Variants in NRG1 observed in about 807,000 individuals in gnomAD.
NRG1 encodes the protein neuregulin 1.
NRG1 carries 18 observed loss-of-function variants against 63.8 expected under a neutral mutation model. The observed-to-expected ratio is 0.28, with a 90% CI of 0.19 to 0.42. The LOEUF (loss-of-function observed/expected upper bound fraction) is 0.42. Among genes scored for constraint, NRG1 ranks in the 10% least tolerant of loss-of-function variants. NRG1 has a pLI of 1.00. For missense variants in NRG1, 762 were observed against 814.7 expected (o/e 0.94, Z 0.79); for synonymous variants, 302 against 301.3 (o/e 1.00, Z -0.02).
chr8:32,447,848 C>CAAAAAAAAAAAGAA (rs1820461311), intron 1 of NRG1, among the ~76,000 whole-genome samples: 1 of 125,372 alleles, frequency 8.0e-6, no homozygotes. Flanking sequence ...AACCCTGTGT[C>CAAAAAAAAAAAGAA]AAAAAAAAAA....
intron 1 of NRG1, among the ~76,000 whole-genome samples, chr8:32,273,582 C>A (rs1267266082): frequency 4.6e-5 from 7 of 152,150 alleles, no homozygotes; most frequent in Non-Finnish European, 1.0e-4. Flanking sequence ...TTAATTAAAG[C>A]ACCATTTGAG....
intron 1 of NRG1, among the ~76,000 whole-genome samples, chr8:32,116,095 A>G (rs1263196265): frequency 6.6e-6 from 1 of 152,138 alleles, no homozygotes; most frequent in Non-Finnish European, 1.5e-5. Flanking sequence ...AAATATTTCA[A>G]ACACGTCAGT....
At chr8:31,674,903 A>G (rs993516319) in intron 1 of NRG1, among the ~76,000 whole-genome samples, 1 of 152,208 alleles carries the variant, frequency 6.6e-6, no homozygotes, top group African/African-American at 2.4e-5. Flanking sequence ...GGGTAGCACT[A>G]TCCTTTCCTT....
At chr8:32,525,322 G>A (rs1358628224) in intron 1 of NRG1, among the ~76,000 whole-genome samples, 2 of 152,056 alleles carry the variant, frequency 1.3e-5, no homozygotes, top group Admixed American at 6.5e-5. Context: ...ACTGCTGAAA[G>A]TCAGTCTTTT....
At chr8:32,430,685 A>AG (rs1818017049) in intron 1 of NRG1, among the ~76,000 whole-genome samples, 1 of 152,182 alleles carries the variant, frequency 6.6e-6, no homozygotes, top group African/African-American at 2.4e-5. Flanking sequence ...CAGCTACAGA[A>AG]GTATTGACTA....
chr8:31,731,760 A>G (rs1292223153), intron 1 of NRG1, among the ~76,000 whole-genome samples: 2 of 152,230 alleles, frequency 1.3e-5, no homozygotes, highest in African/African-American at 4.8e-5. Flanking sequence ...CTAAGACTCT[A>G]TATCAATATG....
chr8:32,297,362 A>G (rs1170575485), intron 1 of NRG1, among the ~76,000 whole-genome samples: 1 of 151,948 alleles, frequency 6.6e-6, no homozygotes, highest in East Asian at 2.0e-4. Flanking sequence ...TTCATTTTAG[A>G]CTCATTTAAA....
intron 1 of NRG1, among the ~76,000 whole-genome samples, chr8:32,380,195 G>A (rs1810165304): frequency 6.6e-6 from 1 of 151,946 alleles, no homozygotes; most frequent in Admixed American, 6.6e-5. Context: ...TCTCCTGCTT[G>A]AAATACTTTT....
intron 1 of NRG1, among the ~76,000 whole-genome samples, chr8:31,985,746 C>A (rs1809949958): frequency 6.6e-6 from 1 of 151,938 alleles, no homozygotes; most frequent in South Asian, 2.1e-4. Context: ...TATTGGTTGT[C>A]TTGAAAGGCT....
chr8:31,857,213 T>TC (rs1827987526), intron 1 of NRG1, among the ~76,000 whole-genome samples: 1 of 152,300 alleles, frequency 6.6e-6, no homozygotes, highest in Non-Finnish European at 1.5e-5. Context: ...TCCCCCAGCC[T>TC]GCTGCCGCCT....
chr8:32,767,778 A>G (rs995610403), exon 12 of NRG1: 4 of 152,068 alleles, frequency 2.6e-5, no homozygotes, highest in Non-Finnish European at 5.9e-5. Flanking sequence ...TTTATTGTTC[A>G]GGAGAAAGAA....
At chr8:32,101,427 C>A (rs902949028) in intron 1 of NRG1, among the ~76,000 whole-genome samples, 1 of 148,600 alleles carries the variant, frequency 6.7e-6, no homozygotes, top group South Asian at 2.1e-4. Flanking sequence ...CCTTAAAGAA[C>A]GAGAAGGAGG....
chr8:32,195,617 A>G (rs1842880716), intron 1 of NRG1, among the ~76,000 whole-genome samples: 1 of 152,138 alleles, frequency 6.6e-6, no homozygotes, highest in Non-Finnish European at 1.5e-5. Flanking sequence ...AGAATCAGAA[A>G]ATCTATTAAA....
chr8:32,323,670 T>C (rs1022747688), intron 1 of NRG1, among the ~76,000 whole-genome samples: 3 of 152,262 alleles, frequency 2.0e-5, no homozygotes, highest in Non-Finnish European at 4.4e-5. Context: ...ATTTTTTCCT[T>C]ACTTGTTGGA....
chr8:32,638,903 C>T (rs1211020591), intron 5 of NRG1, among the ~76,000 whole-genome samples: 3 of 152,178 alleles, frequency 2.0e-5, no homozygotes, highest in South Asian at 2.1e-4. Flanking sequence ...TATGACCTTA[C>T]GGTAGTGTTG....
intron 1 of NRG1, among the ~76,000 whole-genome samples, chr8:32,446,915 A>T (rs77876626): frequency 0.031 from 4,708 of 152,306 alleles, 261 homozygotes; most frequent in African/African-American, 0.11. Flanking sequence ...AGCACTATTC[A>T]GTAAAATAGC....
At chr8:31,755,399 A>C (rs1816868719) in intron 1 of NRG1, among the ~76,000 whole-genome samples, 1 of 151,742 alleles carries the variant, frequency 6.6e-6, no homozygotes, top group Non-Finnish European at 1.5e-5. Context: ...GTGCTTGGGA[A>C]TGCATTCAGA....
intron 1 of NRG1, among the ~76,000 whole-genome samples, chr8:31,991,347 T>C (rs950149342): frequency 2.0e-5 from 3 of 151,876 alleles, no homozygotes; most frequent in African/African-American, 7.3e-5. Context: ...CTTTCCTCTT[T>C]ATTTTTCTTC....
intron 1 of NRG1, among the ~76,000 whole-genome samples, chr8:31,649,258 A>G (rs1380373002): frequency 6.6e-6 from 1 of 152,124 alleles, no homozygotes; most frequent in Non-Finnish European, 1.5e-5. Context: ...CCGGCCTCAT[A>G]TGGTAGTTCT....
Sources: gnomAD v4.1 joint callset for allele counts (sites outside exome capture counted in the v4.1 genomes callset) on GRCh38, gnomAD v4.1.1 for gene constraint, MANE v1.5 for transcripts, NCBI Gene and HGNC (gene_info 2026-07-23, HGNC 2026-07-21) for gene names.